C1orf87: variants seen among roughly 807,000 people sequenced by gnomAD.
The protein encoded by C1orf87 is uncharacterized protein C1orf87.
In C1orf87, 58 loss-of-function variants were observed where a neutral mutation model predicts 60.5. The observed-to-expected ratio is 0.96, with a 90% CI of 0.78 to 1.19. The LOEUF is 1.19. Ranked by LOEUF, C1orf87 falls within the 50% of genes most tolerant of loss-of-function variation. The probability of loss-of-function intolerance (pLI) is 0.00; values close to 1 mark genes in which losing one functional copy is unlikely to be tolerated. For synonymous variants in C1orf87, 236 were observed against 227.4 expected (o/e 1.04, Z -0.34); for missense variants, 673 against 638.6 (o/e 1.05, Z -0.58).
intron 2 of C1orf87, among the ~76,000 whole-genome samples, chr1:60,068,478 G>C (rs1180261788): frequency 6.6e-6 from 1 of 152,142 alleles, no homozygotes; most frequent in Non-Finnish European, 1.5e-5. Context: ...CCCACCTCCA[G>C]CAAGTTGTGA....
intron 6 of C1orf87, among the ~76,000 whole-genome samples, chr1:60,035,452 C>T (rs1486948802): frequency 6.6e-6 from 1 of 152,164 alleles, no homozygotes. Flanking sequence ...ACCCCTACTG[C>T]CACTGGCAAT....
Position 59,990,669 on chromosome 1 carries a change from G to A in C1orf87, c.*4C>T, listed in dbSNP as rs1227911629. On this transcript the variant is annotated 3_prime_UTR_variant, in exon 12 of 12. Transcript: ENST00000371201. ...ACATCTGTTCTCACAATATGGGCTT[G>A]TTATCATAGCTCCTTTAAGTACCGC... 1 of 1,613,688 alleles carries A rather than the reference G, an allele frequency of 6.2e-7. No individual in the cohort carries two copies. The highest frequency in any genetic ancestry group is 1.1e-5 in the South Asian group (1 of 91,024).
intron 9 of C1orf87, chr1:60,008,818 A>T: frequency 2.5e-6 from 1 of 393,766 alleles, no homozygotes; most frequent in Non-Finnish European, 5.0e-6. Flanking sequence ...AGAGCCTTAA[A>T]TTATGTCGCA....
At chr1:60,046,288 TTCTC>T (rs573356645) in intron 3 of C1orf87, among the ~76,000 whole-genome samples, 5 of 136,512 alleles carry the variant, frequency 3.7e-5, no homozygotes, top group Admixed American at 1.5e-4. Flanking sequence ...CCTTCTTTCT[TTCTC>T]TCTCTCTCTC....
intron 11 of C1orf87, among the ~76,000 whole-genome samples, chr1:59,996,377 C>T: frequency 6.6e-6 from 1 of 152,056 alleles, no homozygotes; most frequent in Non-Finnish European, 1.5e-5. Flanking sequence ...TTCCACTTTC[C>T]CTTATTTCAC....
chr1:60,001,544 C>A (rs1051784218), intron 9 of C1orf87, among the ~76,000 whole-genome samples: 1 of 151,960 alleles, frequency 6.6e-6, no homozygotes, highest in East Asian at 1.9e-4. Flanking sequence ...GTGTTTGTAG[C>A]ACTTATCACT....
At chr1:60,011,632 T>A (rs1454108405) in intron 8 of C1orf87, among the ~76,000 whole-genome samples, 1 of 152,118 alleles carries the variant, frequency 6.6e-6, no homozygotes, top group Non-Finnish European at 1.5e-5. Flanking sequence ...TCTTTCTCCA[T>A]CTTGTCCATC....
At chr1:60,070,887 A>G (rs1033985591) in intron 2 of C1orf87, among the ~76,000 whole-genome samples, 1 of 152,196 alleles carries the variant, frequency 6.6e-6, no homozygotes, top group Non-Finnish European at 1.5e-5. Context: ...TTAAAAACAT[A>G]TTAAGCTCCC....
chr1:59,994,483 A>G (rs888357527), intron 11 of C1orf87, among the ~76,000 whole-genome samples: 2 of 152,166 alleles, frequency 1.3e-5, no homozygotes, highest in African/African-American at 4.8e-5. Context: ...TAGTATATGT[A>G]AAGTCCGGGC....
intron 9 of C1orf87, among the ~76,000 whole-genome samples, chr1:60,008,118 G>A (rs1645058710): frequency 6.6e-6 from 1 of 151,992 alleles, no homozygotes; most frequent in South Asian, 2.1e-4. Flanking sequence ...TAAGCAGTGA[G>A]CTATCACAAC....
chr1:60,058,541 G>A (rs1392998514), intron 2 of C1orf87, among the ~76,000 whole-genome samples: 1 of 152,116 alleles, frequency 6.6e-6, no homozygotes, highest in African/African-American at 2.4e-5. Context: ...TAATATTATT[G>A]CTGAACATTT....
intron 3 of C1orf87, among the ~76,000 whole-genome samples, chr1:60,047,743 A>AAG (rs1203452196): frequency 6.6e-6 from 1 of 151,860 alleles, no homozygotes; most frequent in African/African-American, 2.4e-5. Flanking sequence ...AAAAAAAAAA[A>AAG]AGAGAAAACC....
intron 3 of C1orf87, among the ~76,000 whole-genome samples, chr1:60,053,680 A>G (rs1486919511): frequency 6.6e-6 from 1 of 152,210 alleles, no homozygotes; most frequent in Non-Finnish European, 1.5e-5. Flanking sequence ...AGAAAGGAAA[A>G]GAAAACCACT....
rs915488415 is a variant in C1orf87 at position 60,038,121 on chromosome 1, G to T, written c.748-14C>A. ...TTCATAATTCACCTGAAAATTAAAT[G>T]TAAAATAGAACATCCTCATTTAATT... On this transcript the variant is annotated splice_polypyrimidine_tract_variant and intron_variant, in intron 5 of 11. Coordinates refer to ENST00000371201, the MANE Select transcript of C1orf87 (RefSeq NM_152377.3). The T allele has an allele frequency of 2.7e-6, 4 of 1,457,746 alleles. No individual in the cohort carries two copies. The highest frequency in any genetic ancestry group is 3.8e-6 in the Non-Finnish European group (4 of 1,060,362). 90.3% of individuals were successfully genotyped at this position (1,457,746 alleles called of 1,614,324 possible). A position where few individuals can be genotyped will look rare whatever the true frequency, so the allele number is the denominator to read the frequency against.
intron 11 of C1orf87, among the ~76,000 whole-genome samples, chr1:59,992,630 C>A (rs756523205): frequency 6.6e-6 from 1 of 152,114 alleles, no homozygotes; most frequent in African/African-American, 2.4e-5. Context: ...AGAGGCAGTG[C>A]CTTGTCATTT....
chr1:60,029,839 C>T (rs1267007978), intron 7 of C1orf87, among the ~76,000 whole-genome samples: 2 of 151,766 alleles, frequency 1.3e-5, no homozygotes, highest in Non-Finnish European at 2.9e-5. Flanking sequence ...CAGGGTTTCA[C>T]CATGTTGGCC....
At chr1:60,048,031 T>G (rs921738574) in intron 3 of C1orf87, among the ~76,000 whole-genome samples, 8 of 152,186 alleles carry the variant, frequency 5.3e-5, no homozygotes. Flanking sequence ...CCTGGTTTCA[T>G]GGCCTTATGT....
intron 8 of C1orf87, among the ~76,000 whole-genome samples, chr1:60,014,327 G>T (rs929982955): frequency 1.3e-5 from 2 of 152,152 alleles, no homozygotes; most frequent in African/African-American, 4.8e-5. Flanking sequence ...CTTATGGGTG[G>T]TTAGGGCACA....
chr1:60,032,594 T>C (rs1465341809), intron 7 of C1orf87, among the ~76,000 whole-genome samples: 2 of 151,844 alleles, frequency 1.3e-5, no homozygotes, highest in East Asian at 3.9e-4. Flanking sequence ...TGCACCACCA[T>C]ACCTGGCTAA....
Sources: allele counts gnomAD v4.1 joint callset (sites outside exome capture counted in the v4.1 genomes callset), GRCh38; gene constraint gnomAD v4.1.1; transcripts MANE v1.5; gene names NCBI Gene and HGNC (gene_info 2026-07-23, HGNC 2026-07-21).